The following CTNNA3 variants were observed in gnomAD, a reference collection of about 807,000 sequenced individuals.
CTNNA3 encodes the protein catenin alpha 3.
A neutral mutation model predicts 95.7 loss-of-function variants in CTNNA3; 76 were observed. The ratio of observed to expected loss-of-function variants is 0.79; its 90% CI spans 0.66 to 0.96. The LOEUF (loss-of-function observed/expected upper bound fraction) is 0.96, where lower values mean the gene tolerates loss of function less well. CTNNA3 is among the 40% of genes least tolerant of loss of function. The pLI, the probability that CTNNA3 is intolerant of heterozygous loss-of-function variation, is 0.00. For synonymous variants in CTNNA3, 431 were observed against 374.4 expected (o/e 1.15, Z -1.74); for missense variants, 1,191 against 1,089.8 (o/e 1.09, Z -1.31).
chr10:66,060,292 T>C (rs147452408), intron 15 of CTNNA3, among the ~76,000 whole-genome samples: 3 of 152,134 alleles, frequency 2.0e-5, no homozygotes, highest in African/African-American at 7.2e-5. Flanking sequence ...AAAAAAATAA[T>C]ATCTAATCTA....
intron 5 of CTNNA3, among the ~76,000 whole-genome samples, chr10:67,385,745 G>A (rs2132746430): frequency 6.6e-6 from 1 of 151,534 alleles, no homozygotes; most frequent in Middle Eastern, 3.4e-3. Context: ...ATCAGAGCAA[G>A]ACAGCTGTGT....
intron 1 of CTNNA3, among the ~76,000 whole-genome samples, chr10:67,749,064 C>T (rs1841388576): frequency 6.6e-6 from 1 of 152,246 alleles, no homozygotes; most frequent in African/African-American, 2.4e-5. Flanking sequence ...AAGGGCAGTA[C>T]TTAATGGTAA....
chr10:67,051,947 G>C (rs898325621), intron 7 of CTNNA3, among the ~76,000 whole-genome samples: 6 of 150,564 alleles, frequency 4.0e-5, no homozygotes, highest in Non-Finnish European at 5.9e-5. Flanking sequence ...TAGAGATGCA[G>C]TTTCACCATG....
chr10:67,122,729 C>A (rs1481133658), intron 7 of CTNNA3, among the ~76,000 whole-genome samples: 1 of 151,990 alleles, frequency 6.6e-6, no homozygotes, highest in Non-Finnish European at 1.5e-5. Context: ...CAGAACAGAT[C>A]CCTTCCTACT....
At chr10:66,233,744 A>T (rs190481649) in intron 13 of CTNNA3, among the ~76,000 whole-genome samples, 35 of 152,280 alleles carry the variant, frequency 2.3e-4, no homozygotes, top group African/African-American at 7.9e-4. Flanking sequence ...AAACTTTGGA[A>T]CTTGCCGTAT....
At chr10:66,116,911 G>A (rs1332282914) in intron 13 of CTNNA3, among the ~76,000 whole-genome samples, 1 of 152,102 alleles carries the variant, frequency 6.6e-6, no homozygotes, top group African/African-American at 2.4e-5. Context: ...CAGCAAGGGG[G>A]AAGTCCGCAC....
At chr10:67,175,893 C>CG (rs1862217352) in intron 7 of CTNNA3, among the ~76,000 whole-genome samples, 1 of 152,106 alleles carries the variant, frequency 6.6e-6, no homozygotes, top group Non-Finnish European at 1.5e-5. Flanking sequence ...AATTGATTTC[C>CG]TGAAGATCAT....
At position 67,444,527 on chromosome 10, in the gene CTNNA3, G is replaced by A. The variant is rs958711093; in HGVS notation, c.579+77315C>T. On this transcript the variant is annotated intron_variant, in intron 5 of 17. Transcript: ENST00000433211. ...CAAACCAAACCCAAAATTAGTAGAAGAAAATAAATAATAATGATCAGAGCA... is the reference window on the plus strand; with the variant it reads ...CAAACCAAACCCAAAATTAGTAGAAAAAAATAAATAATAATGATCAGAGCA... Among the ~76,000 whole-genome samples the A allele has an allele frequency of 3.3e-4, 50 of 151,842 alleles. 1 individual carries two copies. The highest frequency in any genetic ancestry group is 1.0e-3 in the South Asian group (5 of 4,814).
chr10:66,572,355 C>A (rs1842894101), intron 10 of CTNNA3, among the ~76,000 whole-genome samples: 1 of 149,918 alleles, frequency 6.7e-6, no homozygotes, highest in Non-Finnish European at 1.5e-5. Flanking sequence ...TGCACTCCAG[C>A]CTGGTTGACA....
At chr10:66,570,137 C>A (rs1842825566) in intron 10 of CTNNA3, among the ~76,000 whole-genome samples, 1 of 151,972 alleles carries the variant, frequency 6.6e-6, no homozygotes, top group South Asian at 2.1e-4. Flanking sequence ...TCCAATGGAC[C>A]CTTTTAGGGA....
intron 12 of CTNNA3, among the ~76,000 whole-genome samples, chr10:66,318,276 A>ATATG (rs33943741): frequency 0.039 from 5,389 of 136,560 alleles, 156 homozygotes; most frequent in African/African-American, 0.061. Context: ...ATATATATAT[A>ATATG]TGTGTGTGTG....
At chr10:67,116,934 G>A (rs1413981817) in intron 7 of CTNNA3, among the ~76,000 whole-genome samples, 2 of 151,512 alleles carry the variant, frequency 1.3e-5, no homozygotes, top group Admixed American at 1.3e-4. Context: ...AATATTTATT[G>A]AGAACTTACT....
chr10:67,193,903 T>C (rs1046870981), intron 6 of CTNNA3, among the ~76,000 whole-genome samples: 1 of 152,086 alleles, frequency 6.6e-6, no homozygotes, highest in African/African-American at 2.4e-5. Context: ...CTTTCCACAA[T>C]GGTTGAACTA....
intron 16 of CTNNA3, among the ~76,000 whole-genome samples, chr10:65,985,207 C>T (rs1031194883): frequency 2.0e-5 from 3 of 150,724 alleles, no homozygotes; most frequent in Admixed American, 1.3e-4. Context: ...AAAAGAAGCC[C>T]AAAAACCTTT....
chr10:66,709,959 A>T (rs962485619), intron 9 of CTNNA3, among the ~76,000 whole-genome samples: 3 of 152,200 alleles, frequency 2.0e-5, no homozygotes, highest in Admixed American at 1.3e-4. Flanking sequence ...AACTAATAAC[A>T]CTATACGTTG....
intron 11 of CTNNA3, among the ~76,000 whole-genome samples, chr10:66,389,104 A>T (rs1245887077): frequency 1.3e-5 from 2 of 152,134 alleles, no homozygotes; most frequent in Non-Finnish European, 2.9e-5. Context: ...AAAAATGCCA[A>T]ATACCTTGTA....
At chr10:67,626,612 G>A (rs1838965436) in intron 2 of CTNNA3, among the ~76,000 whole-genome samples, 1 of 152,138 alleles carries the variant, frequency 6.6e-6, no homozygotes, top group African/African-American at 2.4e-5. Context: ...CAACAAAAAG[G>A]TACCACTGAC....
At chr10:67,016,609 C>T (rs905027924) in intron 7 of CTNNA3, among the ~76,000 whole-genome samples, 3 of 152,146 alleles carry the variant, frequency 2.0e-5, no homozygotes, top group East Asian at 1.9e-4. Context: ...TTATGTATCA[C>T]GCAGAAACTA....
chr10:66,767,929 T>C (rs1839933481), intron 8 of CTNNA3, among the ~76,000 whole-genome samples: 1 of 152,234 alleles, frequency 6.6e-6, no homozygotes, highest in African/African-American at 2.4e-5. Context: ...GGCAAATTAC[T>C]AGTGGCAACT....
Sources: allele counts gnomAD v4.1 joint callset (sites outside exome capture counted in the v4.1 genomes callset), GRCh38; gene constraint gnomAD v4.1.1; transcripts MANE v1.5; gene names NCBI Gene and HGNC (gene_info 2026-07-23, HGNC 2026-07-21).